The following TMEM131L variants were observed in gnomAD, a reference collection of about 807,000 sequenced individuals.
TMEM131L encodes transmembrane protein 131-like.
TMEM131L carries 54 observed loss-of-function variants against 192.2 expected under a neutral mutation model. That is an observed-to-expected ratio of 0.28 (90% CI 0.23 to 0.35). The LOEUF is 0.35. Ranked by LOEUF, TMEM131L falls within the 10% of genes least tolerant of loss-of-function variation. The pLI, the probability that TMEM131L is intolerant of heterozygous loss-of-function variation, is 1.00. For synonymous variants in TMEM131L, 701 were observed against 704.9 expected, an observed-to-expected ratio of 0.99 and a Z score of 0.09; for missense variants, 1,888 against 1,972.9, an observed-to-expected ratio of 0.96 and a Z score of 0.82.
rs189524370 is a variant in TMEM131L at position 153,624,248 on chromosome 4, A to G, written c.4045+1165A>G. Among the ~76,000 whole-genome samples the G allele has an allele frequency of 5.4e-4, 82 of 151,864 alleles. No individual in the cohort carries two copies. The East Asian group carries it at 0.014, about 25-fold the overall frequency. On this transcript the variant is annotated intron_variant, in intron 29 of 34. Transcript: ENST00000409959. The stretch of plus-strand genomic sequence containing the variant: ...ATTCTTGTGCCTCAGCCTCCCAAGT[A>G]GCTGGGGTTACAGGCATGTGCCACC...
intron 9 of TMEM131L, among the ~76,000 whole-genome samples, chr4:153,582,536 C>T (rs890421649): frequency 6.9e-6 from 1 of 144,754 alleles, no homozygotes; most frequent in Non-Finnish European, 1.5e-5. Flanking sequence ...CGCTTGGCCT[C>T]CCAAAGTGCT....
intron 15 of TMEM131L, 133 bp downstream of exon 15, chr4:153,587,944 A>G: frequency 2.8e-6 from 2 of 709,872 alleles, no homozygotes; most frequent in Non-Finnish European, 5.0e-6. Context: ...GATGATCATT[A>G]ACAGAATGAC....
rs1227115341 is a variant in TMEM131L, at chr4:153,632,809, G to C, written c.4299G>C (p.Val1433=). The C allele has an allele frequency of 1.2e-6, 2 of 1,614,146 alleles. No homozygotes were observed. Among genetic ancestry groups the C allele is most frequent in the Admixed American group, 3.3e-5 (2 of 60,026 alleles). Residue 1433 remains valine (V), a synonymous_variant, in exon 32 of 35, where the codon GTG becomes GTC. Transcript: ENST00000409959. ...NCTLENGVPC[V]IQESAPVHNS... ...CCCTGGAGAACGGCGTGCCTTGTGT[G>C]ATTCAGGAGTCGGCCCCGGTTCATA...
At position 153,603,733 on chromosome 4, in the gene TMEM131L, T is replaced by G. The variant is rs116416277; in HGVS notation, c.2790-69T>G. On this transcript the variant is annotated intron_variant, in intron 24 of 34. Transcript: ENST00000409959. ...CTGATTGCTACCCTTTTCTCATGGA[T>G]ATGGAAGCAGACAAGTAGAGTTTGA... is the stretch of plus-strand genomic sequence containing the variant. 4.1e-4 allele frequency: 606 copies of G among 1,463,804 alleles called. 5 individuals carry two copies. The African/African-American group carries it at 7.6e-3, about 18-fold the overall frequency. 90.7% of individuals were successfully genotyped at this position (1,463,804 alleles called of 1,614,324 possible). A position where few individuals can be genotyped will look rare whatever the true frequency, so the allele number is the denominator to read the frequency against.
At chr4:153,584,096 G>A (rs1308655557) in intron 11 of TMEM131L, among the ~76,000 whole-genome samples, 1 of 152,224 alleles carries the variant, frequency 6.6e-6, no homozygotes, top group Non-Finnish European at 1.5e-5. Context: ...TATAAGAAAT[G>A]TGTGTTTGTT....
chr4:153,471,889 A>G (rs545406635), intron 2 of TMEM131L, among the ~76,000 whole-genome samples: 11 of 152,232 alleles, frequency 7.2e-5, no homozygotes, highest in Non-Finnish European at 1.5e-4. Context: ...ATTTTCCCGC[A>G]TCTTAAGTCA....
At chr4:153,609,744 T>C (rs1198932276) in intron 25 of TMEM131L, among the ~76,000 whole-genome samples, 2 of 152,224 alleles carry the variant, frequency 1.3e-5, no homozygotes, top group African/African-American at 4.8e-5. Context: ...TACTATATTC[T>C]TGGCCTGAAG....
intron 3 of TMEM131L, among the ~76,000 whole-genome samples, chr4:153,481,915 C>T (rs1358054618): frequency 2.6e-5 from 4 of 152,036 alleles, no homozygotes; most frequent in South Asian, 2.1e-4. Context: ...GACGCGATCT[C>T]GGCTCACTGC....
intron 31 of TMEM131L, among the ~76,000 whole-genome samples, chr4:153,629,036 C>T (rs779605816): frequency 3.9e-5 from 6 of 152,092 alleles, no homozygotes; most frequent in Non-Finnish European, 5.9e-5. Context: ...GTCATTTCCT[C>T]GACTCCTCTC....
chr4:153,570,762 G>A (rs1465372697), intron 7 of TMEM131L, among the ~76,000 whole-genome samples: 3 of 152,082 alleles, frequency 2.0e-5, no homozygotes. Flanking sequence ...GTGGACTTGC[G>A]GGGGCTTCTG....
chr4:153,576,020 C>T (rs1176478034), intron 7 of TMEM131L, among the ~76,000 whole-genome samples: 1 of 151,582 alleles, frequency 6.6e-6, no homozygotes, highest in Non-Finnish European at 1.5e-5. Flanking sequence ...AGTGCAGTGG[C>T]CCGATCTCGG....
In TMEM131L at chr4:153,514,494, T is replaced by A. The variant is rs377440633; in HGVS notation, c.240-35579T>A. Among the ~76,000 whole-genome samples, 16 of 152,344 alleles carry A rather than the reference T, an allele frequency of 1.1e-4. No homozygotes were observed. In the South Asian group the frequency reaches 3.1e-3, roughly 30 times the overall value. On this transcript the variant is annotated intron_variant, in intron 3 of 34. Coordinates refer to ENST00000409959, the MANE Select transcript of TMEM131L (RefSeq NM_001131007.2). ...GCCACTTCTATTATAAAAGTTACAATAGCTGATTATTGAGGGCTTACTTTG... is the reference window on the plus strand; with the variant it reads ...GCCACTTCTATTATAAAAGTTACAAAAGCTGATTATTGAGGGCTTACTTTG...
intron 7 of TMEM131L, among the ~76,000 whole-genome samples, chr4:153,568,706 T>C (rs1388701952): frequency 6.6e-6 from 1 of 152,234 alleles, no homozygotes; most frequent in African/African-American, 2.4e-5. Context: ...ACACACAGAC[T>C]TTCCTTTGAC....
chr4:153,626,728 A>G (rs1178900491), intron 30 of TMEM131L, among the ~76,000 whole-genome samples: 6 of 152,234 alleles, frequency 3.9e-5, no homozygotes, highest in Non-Finnish European at 8.8e-5. Context: ...TCACACCACT[A>G]CACTCTAGCC....
chr4:153,486,612 C>T (rs1339424515), intron 3 of TMEM131L, among the ~76,000 whole-genome samples: 2 of 152,206 alleles, frequency 1.3e-5, no homozygotes, highest in South Asian at 4.1e-4. Context: ...GCTCCCCTCA[C>T]GTTTGCAGGA....
Position 153,636,401 on chromosome 4 carries a change from A to G in TMEM131L, c.4658A>G (p.Asn1553Ser). The G allele has an allele frequency of 6.2e-7, 1 of 1,613,968 alleles. No individual in the cohort carries two copies. The highest frequency in any genetic ancestry group is 8.5e-7 in the Non-Finnish European group (1 of 1,180,012). The change falls in exon 35 of 35, where the codon AAC (asparagine) becomes AGC (serine). Residue 1553 changes from asparagine to serine, a missense_variant. Physicochemically the swap from Asn to Ser is conservative, Grantham distance 46. Coordinates refer to ENST00000409959, the MANE Select transcript of TMEM131L (RefSeq NM_001131007.2). ...SDVYENCCPI[N>S]PTTEHSTHME... Reference sequence around the variant, plus strand: ...GTGTATGAAAATTGCTGCCCCATCAACCCCACCACGGAACATTCGACCCAC... The same window carrying G: ...GTGTATGAAAATTGCTGCCCCATCAGCCCCACCACGGAACATTCGACCCAC...
At position 153,583,028 on chromosome 4, in the gene TMEM131L, C is replaced by G. The variant is rs74454880; in HGVS notation, c.893-162C>G. Among the ~76,000 whole-genome samples the G allele has an allele frequency of 8.2e-3, 1,230 of 149,882 alleles. 16 individuals are homozygous for G. The highest frequency in any genetic ancestry group is 0.028 in the African/African-American group (1,147 of 40,860). On this transcript the variant is annotated intron_variant, in intron 9 of 34. Transcript: ENST00000409959. ...TTAAAAAAGAAAAAAAAAAAGAAAA[C>G]ACCTCCTAGTTTTGATTTCAGTTTT...
intron 3 of TMEM131L, among the ~76,000 whole-genome samples, chr4:153,499,510 T>G (rs964560458): frequency 1.3e-5 from 2 of 151,274 alleles, no homozygotes; most frequent in African/African-American, 4.9e-5. Flanking sequence ...CACTACAACC[T>G]CTGCCTCCTG....
At chr4:153,582,433 G>GTTTTTT (rs1038256479) in intron 9 of TMEM131L, among the ~76,000 whole-genome samples, 14 of 40,328 alleles carry the variant, frequency 3.5e-4, no homozygotes, top group Non-Finnish European at 5.1e-4. Context: ...TTTTTTTGTT[G>GTTTTTT]TTTTTTTTTT....
Sources: allele counts gnomAD v4.1 joint callset (sites outside exome capture counted in the v4.1 genomes callset), GRCh38; gene constraint gnomAD v4.1.1; transcripts MANE v1.5; gene names NCBI Gene and HGNC (gene_info 2026-07-23, HGNC 2026-07-21).